NAV3: variants seen among roughly 807,000 people sequenced by gnomAD.
NAV3 encodes the protein pore membrane and/or filament interacting like protein 1.
In NAV3, 87 loss-of-function variants were observed where a neutral mutation model predicts 244.7. That is an observed-to-expected ratio of 0.36 (90% confidence interval 0.30 to 0.42). The LOEUF is 0.42. Among genes scored for constraint, NAV3 ranks in the 20% least tolerant of loss-of-function variants. The pLI, the probability that NAV3 is intolerant of heterozygous loss-of-function variation, is 1.00. For synonymous variants in NAV3, 1,126 were observed against 1,042.2 expected, an observed-to-expected ratio of 1.08 and a Z score of -1.55; for missense variants, 2,663 against 2,893.3, an observed-to-expected ratio of 0.92 and a Z score of 1.83.
intron 9 of NAV3, chr12:78,037,082 GC>G: frequency 1.4e-6 from 1 of 702,866 alleles, no homozygotes; most frequent in Non-Finnish European, 2.6e-6. Flanking sequence ...AGTTTCTCTC[GC>G]GGTCTGTGCA....
At chr12:77,824,593 T>TA (rs533754471) in intron 2 of NAV3, among the ~76,000 whole-genome samples, 1 of 151,282 alleles carries the variant, frequency 6.6e-6, no homozygotes, top group Non-Finnish European at 1.5e-5. Context: ...AACAAAACAT[T>TA]AAAAAAATAA....
At chr12:77,832,219 C>A (rs1281332121) in intron 1 of NAV3, among the ~76,000 whole-genome samples, 1 of 152,144 alleles carries the variant, frequency 6.6e-6, no homozygotes. Flanking sequence ...TACTATTTTC[C>A]TTGATACTGC....
At chr12:77,620,488 A>C (rs1871326192) in intron 2 of NAV3, among the ~76,000 whole-genome samples, 2 of 151,946 alleles carry the variant, frequency 1.3e-5, no homozygotes, top group Non-Finnish European at 1.5e-5. Context: ...TTTGAGACTA[A>C]GTCTCACTCT....
chr12:77,710,878 T>A (rs1484645980), intron 2 of NAV3, among the ~76,000 whole-genome samples: 1 of 152,202 alleles, frequency 6.6e-6, no homozygotes, highest in Non-Finnish European at 1.5e-5. Flanking sequence ...TTGAGCTTTT[T>A]TTGGCAGCTA....
chr12:78,208,419 C>T (rs7137676), intron 39 of NAV3, among the ~76,000 whole-genome samples: 72,304 of 151,864 alleles, frequency 0.48, 18,218 homozygotes, highest in East Asian at 0.8. Flanking sequence ...ATATATCACA[C>T]GCAAACCATA....
chr12:77,625,063 A>C (rs949176893), intron 2 of NAV3, among the ~76,000 whole-genome samples: 17 of 152,222 alleles, frequency 1.1e-4, no homozygotes, highest in Admixed American at 6.5e-5. Context: ...CAGAACTTAA[A>C]AGGTGGAAAA....
At chr12:77,609,102 A>T (rs1870796597) in intron 2 of NAV3, among the ~76,000 whole-genome samples, 1 of 152,068 alleles carries the variant, frequency 6.6e-6, no homozygotes, top group East Asian at 1.9e-4. Flanking sequence ...CTGCTTCCAA[A>T]TCTTGCAATA....
chr12:78,068,409 T>A (rs1298520518), intron 12 of NAV3, among the ~76,000 whole-genome samples: 1 of 151,072 alleles, frequency 6.6e-6, no homozygotes, highest in Non-Finnish European at 1.5e-5. Context: ...ATAAATAGTT[T>A]TTTTAAAATT....
intron 2 of NAV3, among the ~76,000 whole-genome samples, chr12:77,609,870 A>C (rs781250318): frequency 6.6e-6 from 1 of 151,988 alleles, no homozygotes; most frequent in African/African-American, 2.4e-5. Context: ...ATTATCACAT[A>C]CTTTAAACAA....
At chr12:77,810,920 G>C (rs776862733) in intron 2 of NAV3, among the ~76,000 whole-genome samples, 6 of 152,100 alleles carry the variant, frequency 3.9e-5, no homozygotes, top group Admixed American at 6.5e-5. Flanking sequence ...TTCAAAACTT[G>C]TAGGGTGACG....
intron 2 of NAV3, among the ~76,000 whole-genome samples, chr12:77,727,894 G>A (rs149677946): frequency 6.6e-5 from 10 of 151,946 alleles, no homozygotes; most frequent in African/African-American, 2.4e-4. Flanking sequence ...TTTAGGGGTG[G>A]CTATTTCGCT....
intron 2 of NAV3, among the ~76,000 whole-genome samples, chr12:77,630,876 T>G (rs1481347431): frequency 1.3e-5 from 2 of 152,174 alleles, no homozygotes; most frequent in African/African-American, 4.8e-5. Context: ...TTAAACAGAT[T>G]GTACATTAAA....
intron 1 of NAV3, among the ~76,000 whole-genome samples, chr12:77,840,604 A>G (rs1875472415): frequency 6.6e-6 from 1 of 152,332 alleles, no homozygotes. Context: ...TCACTCAGAA[A>G]TGTACAGTTT....
At chr12:77,854,590 T>TGG (rs924599999) in intron 1 of NAV3, among the ~76,000 whole-genome samples, 26 of 151,036 alleles carry the variant, frequency 1.7e-4, no homozygotes, top group Non-Finnish European at 3.0e-5. Context: ...TGTGTGTATG[T>TGG]GTGTGTGTGT....
chr12:77,620,698 G>A (rs1231802596), intron 2 of NAV3, among the ~76,000 whole-genome samples: 1 of 152,032 alleles, frequency 6.6e-6, no homozygotes, highest in African/African-American at 2.4e-5. Context: ...CTGACCTCAG[G>A]TGATCCACCC....
chr12:77,963,028 A>G (rs933825022), intron 3 of NAV3, among the ~76,000 whole-genome samples: 1 of 152,112 alleles, frequency 6.6e-6, no homozygotes, highest in African/African-American at 2.4e-5. Flanking sequence ...AGTTTGTTTG[A>G]TATCCGATTC....
At chr12:78,003,389 G>A (rs1478763763) in intron 7 of NAV3, among the ~76,000 whole-genome samples, 1 of 152,146 alleles carries the variant, frequency 6.6e-6, no homozygotes, top group African/African-American at 2.4e-5. Flanking sequence ...CCTATATTCA[G>A]CAGGGACCAT....
At chr12:77,993,943 C>A (rs1871880835) in intron 5 of NAV3, among the ~76,000 whole-genome samples, 1 of 152,078 alleles carries the variant, frequency 6.6e-6, no homozygotes, top group African/African-American at 2.4e-5. Flanking sequence ...CTGGGTTTAT[C>A]AGGTCTAACT....
chr12:77,919,407 T>C (rs547698371), intron 1 of NAV3, among the ~76,000 whole-genome samples: 3 of 152,072 alleles, frequency 2.0e-5, no homozygotes, highest in Non-Finnish European at 4.4e-5. Flanking sequence ...TACATTGGAA[T>C]ATAAGAGTTG....
Sources: gnomAD v4.1 joint callset for allele counts (sites outside exome capture counted in the v4.1 genomes callset) on GRCh38, gnomAD v4.1.1 for gene constraint, MANE v1.5 for transcripts, NCBI Gene and HGNC (gene_info 2026-07-23, HGNC 2026-07-21) for gene names.